The following TNRC6B variants were observed in gnomAD, a reference collection of about 807,000 sequenced individuals.
TNRC6B encodes trinucleotide repeat containing adaptor 6B.
TNRC6B carries 52 observed loss-of-function variants against 203.6 expected under a neutral mutation model. The observed-to-expected ratio is 0.26, with a 90% CI of 0.20 to 0.32. The LOEUF (loss-of-function observed/expected upper bound fraction) is 0.32. Among genes scored for constraint, TNRC6B ranks in the 10% least tolerant of loss-of-function variants. The pLI is 1.00. For missense variants in TNRC6B, 1,923 were observed against 2,286.2 expected (o/e 0.84, Z 3.24); for synonymous variants, 838 against 845.7 (o/e 0.99, Z 0.16).
At chr22:40,196,695 C>T (rs142252149) in intron 1 of TNRC6B, among the ~76,000 whole-genome samples, 67 of 151,390 alleles carry the variant, frequency 4.4e-4, no homozygotes, top group African/African-American at 1.5e-3. Flanking sequence ...TTGTTTGGGT[C>T]GGGGCAGTGA....
At chr22:40,280,693 T>C (rs2070711342) in intron 10 of TNRC6B, among the ~76,000 whole-genome samples, 1 of 152,258 alleles carries the variant, frequency 6.6e-6, no homozygotes, top group Non-Finnish European at 1.5e-5. Context: ...ATTTGCTGTG[T>C]TCCTGATCTT....
At chr22:40,280,255 A>C in intron 10 of TNRC6B, 112 bp downstream of exon 10, 1 of 1,066,540 alleles carries the variant, frequency 9.4e-7, no homozygotes, top group Non-Finnish European at 1.3e-6. Flanking sequence ...CTAGATGAGC[A>C]AAACACAAAC....
intron 1 of TNRC6B, among the ~76,000 whole-genome samples, chr22:40,090,683 G>A (rs2068143210): frequency 6.6e-6 from 1 of 152,032 alleles, no homozygotes; most frequent in Admixed American, 6.6e-5. Flanking sequence ...GTTGTGGTAT[G>A]AATTATTGAT....
At chr22:40,278,249 T>C (rs1347783610) in intron 9 of TNRC6B, among the ~76,000 whole-genome samples, 2 of 152,124 alleles carry the variant, frequency 1.3e-5, no homozygotes, top group African/African-American at 4.8e-5. Context: ...AAATAAGTGA[T>C]GTGTGCCGGG....
chr22:40,098,083 C>T (rs190327775), intron 1 of TNRC6B, among the ~76,000 whole-genome samples: 3 of 151,940 alleles, frequency 2.0e-5, no homozygotes, highest in Non-Finnish European at 4.4e-5. Context: ...ATGTAAAATC[C>T]ACCCTTAGAG....
chr22:40,048,589 CT>C, intron 1 of TNRC6B, among the ~76,000 whole-genome samples: 1 of 151,780 alleles, frequency 6.6e-6, no homozygotes, highest in Non-Finnish European at 1.5e-5. Flanking sequence ...AGGTTTCATC[CT>C]TTTCTGTCTC....
chr22:40,131,056 G>A (rs6001787), intron 3 of TNRC6B, among the ~76,000 whole-genome samples: 55,980 of 151,100 alleles, frequency 0.37, 15,599 homozygotes, highest in African/African-American at 0.79. Flanking sequence ...GGCGCCTGCC[G>A]CCACGCCCGG....
At chr22:40,176,747 T>A (rs1178632177), upstream of TNRC6B, among the ~76,000 whole-genome samples, 2 of 152,190 alleles carry the variant, frequency 1.3e-5, no homozygotes, top group Non-Finnish European at 2.9e-5. Flanking sequence ...TTATGACCAT[T>A]GCTCTGAAGA....
intron 1 of TNRC6B, among the ~76,000 whole-genome samples, chr22:40,224,786 C>T (rs2069761701): frequency 6.6e-6 from 1 of 152,178 alleles, no homozygotes; most frequent in Non-Finnish European, 1.5e-5. Flanking sequence ...TATTTTCACG[C>T]AAGGTATGAG....
chr22:40,238,301 A>G (rs1250611194), intron 1 of TNRC6B, among the ~76,000 whole-genome samples: 4 of 152,126 alleles, frequency 2.6e-5, no homozygotes. Context: ...AGCAAGGTTG[A>G]CAGCTGAGGA....
rs1452152980 is a variant in TNRC6B at position 40,327,259 on chromosome 22, C to G, written c.*4018C>G. 6.6e-6 allele frequency: 1 copy of G among 152,628 alleles called. No individual in the cohort carries two copies. The highest frequency in any genetic ancestry group is 2.4e-5 in the African/African-American group (1 of 41,430). The allele number at this position is 152,628 out of a possible 1,614,324, so 9.5% of individuals were successfully genotyped here. ...GTGTGTGTGTGGTCCAGTCACTCCA[C>G]AGATGTAAGATACTCACCCATAAAG... On this transcript the variant is annotated 3_prime_UTR_variant, in exon 23 of 23. Transcript: ENST00000454349.
rs564070465 is a variant in TNRC6B, at chr22:40,230,329, G to A, written c.6-15686G>A. On this transcript the variant is annotated intron_variant, in intron 1 of 22. Coordinates refer to ENST00000454349, the MANE Select transcript of TNRC6B (RefSeq NM_001162501.2). ...TTTAAAGACAGGTTCTCACTCTGTC[G>A]CCCAGACTGGAGTGCAGTGGCACCA... 3.2e-3 allele frequency among the ~76,000 whole-genome samples: 384 copies of A among 121,178 alleles called. 1 individual carries two copies. The highest frequency in any genetic ancestry group is 0.01 in the African/African-American group (325 of 32,278). The allele number at this position is 121,178 out of a possible 152,430, so 79.5% of individuals were successfully genotyped here.
At position 40,257,174 on chromosome 22, in the gene TNRC6B, A is replaced by T. The variant is rs550189480; in HGVS notation, c.116-4658A>T. Among the ~76,000 whole-genome samples the T allele has an allele frequency of 2.6e-5, 4 of 152,276 alleles. No homozygotes were observed. In the South Asian group the frequency reaches 8.3e-4, roughly 32 times the overall value. On this transcript the variant is annotated intron_variant, in intron 3 of 22. Transcript: ENST00000454349. Reference sequence around the variant, plus strand: ...TCTAGGTCATTCTTTTTTATGTTTGATACCATTGAGATAGTTAAAGGAAAT... The same window carrying T: ...TCTAGGTCATTCTTTTTTATGTTTGTTACCATTGAGATAGTTAAAGGAAAT...
At chr22:40,162,708 A>G (rs1440505457) in intron 4 of TNRC6B, among the ~76,000 whole-genome samples, 1 of 152,246 alleles carries the variant, frequency 6.6e-6, no homozygotes, top group African/African-American at 2.4e-5. Flanking sequence ...TTTATTAAGA[A>G]GTAGCAAGTT....
At chr22:40,218,312 C>CTT (rs1291555419) in intron 1 of TNRC6B, among the ~76,000 whole-genome samples, 6 of 125,112 alleles carry the variant, frequency 4.8e-5, no homozygotes, top group Admixed American at 9.0e-5. Context: ...TTTTTTTTTT[C>CTT]TTTTTTCTTT....
chr22:40,202,261 T>TTTTTGTTTTTTTG lies in TNRC6B; in HGVS notation c.5+24125_5+24126insGTTTTTTTGTTTT, dbSNP rs1491575205. On this transcript the variant is annotated intron_variant, in intron 1 of 22. Coordinates refer to ENST00000454349, the MANE Select transcript of TNRC6B (RefSeq NM_001162501.2). ...TGTATGTGTTGTTGTTGTTTTTTTG[T>TTTTTGTTTTTTTG]TTTTTTTTTTTTTGCCTTTGGCAGA... Among the ~76,000 whole-genome samples the TTTTTGTTTTTTTG allele has an allele frequency of 2.8e-3, 286 of 102,018 alleles. 1 individual carries two copies. The highest frequency in any genetic ancestry group is 0.014 in the Middle Eastern group (3 of 212). The allele number at this position is 102,018 out of a possible 152,430, so 66.9% of individuals were successfully genotyped here.
At chr22:40,239,318 T>C (rs1473804853) in intron 1 of TNRC6B, among the ~76,000 whole-genome samples, 1 of 152,236 alleles carries the variant, frequency 6.6e-6, no homozygotes, top group Non-Finnish European at 1.5e-5. Flanking sequence ...CCTTCCGGTC[T>C]GTGCCTGTTA....
At chr22:40,045,332 G>A (rs2067678006) in intron 1 of TNRC6B, 2 of 148,362 alleles carry the variant, frequency 1.3e-5, no homozygotes, top group South Asian at 4.2e-4. Context: ...CCGAACGGCC[G>A]GGCAGGCACT....
rs1370339254 is a variant in TNRC6B at position 40,125,468 on chromosome 22, C to T, written c.-46-304C>T. On this transcript the variant is annotated intron_variant, in intron 2 of 23. Transcript: ENST00000301923. The stretch of plus-strand genomic sequence containing the variant: ...TCAGTGTCTGCTGTAAGAATTTCAC[C>T]ACCACCTCTGCCAAAAGCCAAATAA... Among the ~76,000 whole-genome samples, 3 of 152,152 alleles carry T rather than the reference C, an allele frequency of 2.0e-5. No homozygotes were observed. The East Asian group carries it at 5.8e-4, about 29-fold the overall frequency.
Sources: allele counts gnomAD v4.1 joint callset (sites outside exome capture counted in the v4.1 genomes callset), GRCh38; gene constraint gnomAD v4.1.1; transcripts MANE v1.5; gene names NCBI Gene and HGNC (gene_info 2026-07-23, HGNC 2026-07-21).